The following RIT2 variants were observed in gnomAD, a reference collection of about 807,000 sequenced individuals.
RIT2 encodes the protein GTP-binding protein Rit2.
In RIT2, 24 loss-of-function variants were observed where a neutral mutation model predicts 23.7. The ratio of observed to expected loss-of-function variants is 1.01; its 90% CI spans 0.73 to 1.43. RIT2 has a LOEUF of 1.43. Among genes scored for constraint, RIT2 ranks in the 40% most tolerant of loss-of-function variants. The pLI is 0.00. For missense variants in RIT2, 236 were observed against 266.9 expected (o/e 0.88, Z 0.81); for synonymous variants, 107 against 91.1 (o/e 1.17, Z -0.99).
At chr18:42,790,390 A>T (rs1032589708) in intron 4 of RIT2, among the ~76,000 whole-genome samples, 1 of 152,248 alleles carries the variant, frequency 6.6e-6, no homozygotes, top group Non-Finnish European at 1.5e-5. Context: ...TAATACAGAA[A>T]AAAACATTGG....
intron 1 of RIT2, among the ~76,000 whole-genome samples, chr18:43,058,501 C>T (rs144109925): frequency 5.7e-4 from 87 of 152,214 alleles, no homozygotes; most frequent in Non-Finnish European, 1.0e-3. Context: ...AGATTTGATA[C>T]GTCCTTGTGT....
chr18:43,015,863 A>G (rs1186460332), intron 2 of RIT2, among the ~76,000 whole-genome samples: 1 of 151,824 alleles, frequency 6.6e-6, no homozygotes, highest in Non-Finnish European at 1.5e-5. Context: ...TATCATGCAC[A>G]AAATATGACA....
chr18:42,991,304 A>G (rs1910842101), intron 2 of RIT2, among the ~76,000 whole-genome samples: 1 of 152,186 alleles, frequency 6.6e-6, no homozygotes, highest in African/African-American at 2.4e-5. Context: ...ATTTCTGGGA[A>G]GAAGACAGAG....
intron 2 of RIT2, among the ~76,000 whole-genome samples, chr18:42,987,155 A>G (rs1237697342): frequency 2.0e-5 from 3 of 152,214 alleles, no homozygotes. Flanking sequence ...GTATGAAAGC[A>G]TAATATAAGT....
intron 4 of RIT2, among the ~76,000 whole-genome samples, chr18:42,802,305 C>T (rs1598659963): frequency 1.3e-5 from 2 of 152,108 alleles, no homozygotes; most frequent in South Asian, 2.1e-4. Context: ...AGATTGCATG[C>T]TCAGCATGAA....
At chr18:42,805,765 A>G (rs1479216643) in intron 4 of RIT2, among the ~76,000 whole-genome samples, 1 of 151,990 alleles carries the variant, frequency 6.6e-6, no homozygotes, top group African/African-American at 2.4e-5. Context: ...GTCAGGATGC[A>G]GATAAAAGCT....
chr18:42,920,535 T>G (rs550593683), intron 4 of RIT2, among the ~76,000 whole-genome samples: 1 of 152,340 alleles, frequency 6.6e-6, no homozygotes, highest in African/African-American at 2.4e-5. Context: ...GATTAAATAC[T>G]ATCCTTTGAA....
intron 4 of RIT2, among the ~76,000 whole-genome samples, chr18:42,759,569 G>A (rs993905365): frequency 6.6e-6 from 1 of 151,990 alleles, no homozygotes; most frequent in African/African-American, 2.4e-5. Flanking sequence ...AAAAGGTTTA[G>A]GAAAGAGACT....
At chr18:43,081,604 C>A (rs1913159393) in intron 1 of RIT2, among the ~76,000 whole-genome samples, 1 of 152,102 alleles carries the variant, frequency 6.6e-6, no homozygotes, top group African/African-American at 2.4e-5. Flanking sequence ...GTTTCTTTCA[C>A]AGACAAGCAA....
At chr18:42,822,758 A>C (rs567044877) in intron 4 of RIT2, among the ~76,000 whole-genome samples, 1 of 152,314 alleles carries the variant, frequency 6.6e-6, no homozygotes, top group East Asian at 1.9e-4. Flanking sequence ...AAACCACACA[A>C]AAATGCATAA....
chr18:42,827,477 C>CT (rs1486746734), intron 4 of RIT2, among the ~76,000 whole-genome samples: 3 of 151,626 alleles, frequency 2.0e-5, no homozygotes, highest in East Asian at 1.9e-4. Context: ...AAATCAAACG[C>CT]TTTTTTTAAA....
At chr18:42,804,137 C>T (rs2143965899) in intron 4 of RIT2, among the ~76,000 whole-genome samples, 1 of 152,274 alleles carries the variant, frequency 6.6e-6, no homozygotes, top group East Asian at 1.9e-4. Context: ...TTTTTAAAGT[C>T]AGGATGTCCC....
intron 2 of RIT2, among the ~76,000 whole-genome samples, chr18:42,985,255 G>A (rs2144219437): frequency 6.6e-6 from 1 of 152,212 alleles, no homozygotes; most frequent in Non-Finnish European, 1.5e-5. Flanking sequence ...GCTATGAGAT[G>A]TTATGAAGAA....
At position 43,073,937 on chromosome 18, in the gene RIT2, T is replaced by C. The variant is rs185035467; in HGVS notation, c.104-40070A>G. Among the ~76,000 whole-genome samples the C allele has an allele frequency of 4.2e-4, 64 of 152,156 alleles. 1 individual carries two copies. The highest frequency in any genetic ancestry group is 3.4e-3 in the Middle Eastern group (1 of 294). On this transcript the variant is annotated intron_variant, in intron 1 of 4. Coordinates refer to ENST00000326695, the MANE Select transcript of RIT2 (RefSeq NM_002930.4). ...AGGGTATTTGATAGGCAGAGATAAA[T>C]GAGAGAAAATGTTGTTATCAATGAC...
intron 2 of RIT2, among the ~76,000 whole-genome samples, chr18:43,016,909 A>G (rs952566132): frequency 2.6e-5 from 4 of 151,904 alleles, no homozygotes; most frequent in Non-Finnish European, 4.4e-5. Context: ...TTAAAATTAC[A>G]TTAGTTAAAT....
rs5824453 is a variant in RIT2, at chr18:42,758,487, CT to C, written c.427-14768del. On this transcript the variant is annotated intron_variant, in intron 4 of 4. Transcript: ENST00000326695. ...TTCCTCCTTTCTTGACATTCTAATC[CT>C]TTTTTTTTTTGATAACCCTTGTTTT... Among the ~76,000 whole-genome samples the C allele has an allele frequency of 2.8e-3, 417 of 147,228 alleles. 6 individuals carry two copies. The highest frequency in any genetic ancestry group is 9.9e-3 in the African/African-American group (399 of 40,304).
intron 1 of RIT2, among the ~76,000 whole-genome samples, chr18:43,080,640 A>T (rs1913135595): frequency 6.6e-6 from 1 of 152,040 alleles, no homozygotes; most frequent in African/African-American, 2.4e-5. Flanking sequence ...ACCTTAAATA[A>T]TTTTTTATTT....
intron 1 of RIT2, among the ~76,000 whole-genome samples, chr18:43,045,436 A>G (rs1912224371): frequency 6.6e-6 from 1 of 152,196 alleles, no homozygotes; most frequent in Admixed American, 6.5e-5. Flanking sequence ...ACATTTTCTG[A>G]TATTTCAGAT....
chr18:42,861,033 G>C (rs1294569895), intron 4 of RIT2, among the ~76,000 whole-genome samples: 2 of 152,160 alleles, frequency 1.3e-5, no homozygotes, highest in African/African-American at 4.8e-5. Flanking sequence ...ACAAGATGCA[G>C]CTTCTTTACT....
Sources: gnomAD v4.1 joint callset for allele counts (sites outside exome capture counted in the v4.1 genomes callset) on GRCh38, gnomAD v4.1.1 for gene constraint, MANE v1.5 for transcripts, NCBI Gene and HGNC (gene_info 2026-07-23, HGNC 2026-07-21) for gene names.